Variants in RPA1 observed in about 807,000 individuals in gnomAD.
The protein encoded by RPA1 is replication protein A 70 kDa DNA-binding subunit.
In RPA1, 49 loss-of-function variants were observed where a neutral mutation model predicts 83.0. The ratio of observed to expected loss-of-function variants is 0.59; its 90% CI spans 0.47 to 0.75. The LOEUF is 0.75. Ranked by LOEUF, RPA1 falls within the 30% of genes least tolerant of loss-of-function variation. RPA1 has a pLI of 0.00. For synonymous variants in RPA1, 279 were observed against 281.8 expected (o/e 0.99, Z 0.10); for missense variants, 693 against 776.1 (o/e 0.89, Z 1.27).
chr17:1,881,201 TCTC>T (rs1320045088), intron 12 of RPA1, among the ~76,000 whole-genome samples: 2 of 152,256 alleles, frequency 1.3e-5, no homozygotes, highest in South Asian at 2.1e-4. Flanking sequence ...CCTGTTAAAA[TCTC>T]CTCACTGTAT....
At chr17:1,864,216 T>C (rs1913093201) in intron 5 of RPA1, among the ~76,000 whole-genome samples, 1 of 152,238 alleles carries the variant, frequency 6.6e-6, no homozygotes, top group African/African-American at 2.4e-5. Context: ...CCCACTGAAG[T>C]ACACTAATTC....
intron 5 of RPA1, among the ~76,000 whole-genome samples, chr17:1,860,243 G>A (rs934464112): frequency 6.6e-6 from 1 of 151,996 alleles, no homozygotes; most frequent in Non-Finnish European, 1.5e-5. Flanking sequence ...AGTCTGGGAG[G>A]TGGAGTGCCG....
chr17:1,866,472 G>A (rs1484854460), intron 5 of RPA1, among the ~76,000 whole-genome samples: 3 of 151,906 alleles, frequency 2.0e-5, no homozygotes, highest in Non-Finnish European at 2.9e-5. Flanking sequence ...CCACCACCAC[G>A]CCCGGCTAAA....
In RPA1 at chr17:1,872,543, G is replaced by A. The variant is rs757804059; in HGVS notation, c.454+17G>A. The A allele has an allele frequency of 1.2e-5, 19 of 1,612,264 alleles. No homozygotes were observed. In the Admixed American group the frequency reaches 3.2e-4, roughly 27 times the overall value. On this transcript the variant is annotated intron_variant, in intron 6 of 16. Transcript: ENST00000254719. ...CGGGAATGGGTGAGATGCCTCACGGGGCGTGCGCTGACCAGGGGTGTCAGA... is the reference window on the plus strand; with the variant it reads ...CGGGAATGGGTGAGATGCCTCACGGAGCGTGCGCTGACCAGGGGTGTCAGA...
At chr17:1,853,265 C>T (rs1872389924) in intron 5 of RPA1, 76 bp downstream of exon 5, 1 of 1,126,144 alleles carries the variant, frequency 8.9e-7, no homozygotes, top group African/African-American at 1.5e-5. Context: ...CTTTTGGATT[C>T]AGTTTGACTT....
chr17:1,871,383 C>T (rs536597758), intron 5 of RPA1, among the ~76,000 whole-genome samples: 49 of 152,198 alleles, frequency 3.2e-4, no homozygotes, highest in Admixed American at 2.1e-3. Flanking sequence ...GTAATGTGCC[C>T]GTTTGAGTTA....
chr17:1,848,473 T>C (rs1308950226), intron 4 of RPA1, among the ~76,000 whole-genome samples: 3 of 151,372 alleles, frequency 2.0e-5, no homozygotes, highest in African/African-American at 7.3e-5. Context: ...CAGCCGGGCA[T>C]GGTGGCACAT....
intron 7 of RPA1, 118 bp downstream of exon 7, chr17:1,875,911 A>C: frequency 1.1e-6 from 1 of 948,590 alleles, no homozygotes; most frequent in Non-Finnish European, 1.4e-6. Flanking sequence ...ACCAAATAGA[A>C]TGGGTTTACT....
intron 8 of RPA1, among the ~76,000 whole-genome samples, chr17:1,878,600 G>C (rs926719734): frequency 6.6e-6 from 1 of 152,186 alleles, no homozygotes; most frequent in Admixed American, 6.5e-5. Flanking sequence ...GGAGGGAGCC[G>C]GTGAATCACC....
At chr17:1,881,605 C>T (rs1913801009) in intron 12 of RPA1, among the ~76,000 whole-genome samples, 1 of 152,138 alleles carries the variant, frequency 6.6e-6, no homozygotes, top group South Asian at 2.1e-4. Flanking sequence ...TTTCTTATTG[C>T]TTGATTTTCT....
At chr17:1,888,881 G>A (rs1348685941) in intron 14 of RPA1, 30 bp downstream of exon 14, 2 of 1,597,938 alleles carry the variant, frequency 1.3e-6, no homozygotes, top group East Asian at 2.2e-5. Context: ...GAGAACCACG[G>A]TTGTGTTCAC....
At position 1,845,603 on chromosome 17, in the gene RPA1, G is replaced by A. The variant is rs549371246; in HGVS notation, c.272+917G>A. ...AGTTACTGCATGCTAGAGATACAGT[G>A]ATGAACAGAACTGTTACTCTCATTG... On this transcript the variant is annotated intron_variant, in intron 4 of 16. Transcript: ENST00000254719. 2.0e-5 allele frequency among the ~76,000 whole-genome samples: 3 copies of A among 152,260 alleles called. No homozygotes were observed. The East Asian group carries it at 5.8e-4, about 29-fold the overall frequency.
At chr17:1,896,527 G>T (rs1043618201) in intron 16 of RPA1, among the ~76,000 whole-genome samples, 2 of 152,154 alleles carry the variant, frequency 1.3e-5, no homozygotes, top group Non-Finnish European at 2.9e-5. Flanking sequence ...CAGGGAGTGG[G>T]GTGGGGCTGG....
At position 1,879,431 on chromosome 17, in the gene RPA1, G is replaced by A. The variant is rs755264190; in HGVS notation, c.952+24G>A. The A allele has an allele frequency of 2.0e-5, 33 of 1,612,386 alleles. No homozygotes were observed. In the African/African-American group the frequency reaches 4.3e-4, roughly 21 times the overall value. ...AGGTAAGCTCGTGTATGAGAAGGAA[G>A]AGCAGGGATGACTAGCTTTCTTTGC... On this transcript the variant is annotated intron_variant, in intron 10 of 16. Transcript: ENST00000254719.
intron 1 of RPA1, among the ~76,000 whole-genome samples, chr17:1,840,588 T>G (rs995039181): frequency 1.3e-5 from 2 of 151,996 alleles, no homozygotes; most frequent in Non-Finnish European, 2.9e-5. Flanking sequence ...CTGGCTAATT[T>G]TTTATAGAGA....
At chr17:1,877,630 T>G (rs541568925) in intron 8 of RPA1, among the ~76,000 whole-genome samples, 12 of 152,290 alleles carry the variant, frequency 7.9e-5, no homozygotes, top group Non-Finnish European at 1.6e-4. Flanking sequence ...AGAAAGTAGT[T>G]TTCTAAATAT....
At chr17:1,890,127 T>C (rs559298974) in intron 14 of RPA1, among the ~76,000 whole-genome samples, 24 of 152,268 alleles carry the variant, frequency 1.6e-4, no homozygotes, top group Admixed American at 8.5e-4. Context: ...CCCAGCACTT[T>C]GGAAGGCTGA....
At position 1,880,653 on chromosome 17, in the gene RPA1, G is replaced by A. The variant is rs768570466; in HGVS notation, c.1203G>A (p.Ala401=). 25 of 1,613,958 alleles carry A rather than the reference G, an allele frequency of 1.5e-5. No individual in the cohort carries two copies. The highest frequency in any genetic ancestry group is 1.7e-4 in the Middle Eastern group (1 of 5,910). ...LSVLSSSTII[A]NPDIPEAYKL... is the part of the protein sequence containing the mutation. ...TGCTGTCTTCAAGCACTATCATTGCGAATCCTGACATCCCAGAGGCCTATA... is the reference window on the plus strand; with the variant it reads ...TGCTGTCTTCAAGCACTATCATTGCAAATCCTGACATCCCAGAGGCCTATA... Residue 401 remains alanine, a synonymous_variant, in exon 12 of 17, where the codon GCG becomes GCA. Coordinates refer to ENST00000254719, the MANE Select transcript of RPA1 (RefSeq NM_002945.5).
intron 3 of RPA1, 60 bp downstream of exon 3, chr17:1,844,058 G>C: frequency 2.0e-6 from 3 of 1,473,826 alleles, no homozygotes; most frequent in Admixed American, 3.6e-5. Flanking sequence ...AGCACACCTG[G>C]TCCTTTGGTT....
Sources: allele counts gnomAD v4.1 joint callset (sites outside exome capture counted in the v4.1 genomes callset), GRCh38; gene constraint gnomAD v4.1.1; transcripts MANE v1.5; gene names NCBI Gene and HGNC (gene_info 2026-07-23, HGNC 2026-07-21).